GPHN: variants seen among roughly 807,000 people sequenced by gnomAD.
The protein encoded by GPHN is gephyrin.
A neutral mutation model predicts 95.5 loss-of-function variants in GPHN; 17 were observed. The ratio of observed to expected loss-of-function variants is 0.18; its 90% CI spans 0.12 to 0.27. GPHN has a LOEUF of 0.27. Among genes scored for constraint, GPHN ranks in the 10% least tolerant of loss-of-function variants. GPHN has a pLI of 1.00. For missense variants in GPHN, 660 were observed against 978.1 expected, an observed-to-expected ratio of 0.67 and a Z score of 4.34; for synonymous variants, 320 against 322.5, an observed-to-expected ratio of 0.99 and a Z score of 0.08.
At chr14:67,032,017 T>C (rs2074218722) in intron 10 of GPHN, among the ~76,000 whole-genome samples, 1 of 152,090 alleles carries the variant, frequency 6.6e-6, no homozygotes, top group African/African-American at 2.4e-5. Context: ...TCATGAAAAC[T>C]CCAGAAAAAA....
At chr14:66,802,781 C>T (rs2060406434) in intron 3 of GPHN, among the ~76,000 whole-genome samples, 2 of 152,180 alleles carry the variant, frequency 1.3e-5, no homozygotes, top group South Asian at 4.1e-4. Flanking sequence ...GACCTCATGA[C>T]TCTGACCAGT....
intron 1 of GPHN, among the ~76,000 whole-genome samples, chr14:66,550,475 C>T (rs1277455883): frequency 6.6e-6 from 1 of 152,120 alleles, no homozygotes; most frequent in African/African-American, 2.4e-5. Context: ...GGAATCTACT[C>T]CTGGTGATAA....
chr14:66,583,676 G>C (rs1446611399), intron 1 of GPHN, among the ~76,000 whole-genome samples: 2 of 152,092 alleles, frequency 1.3e-5, no homozygotes, highest in Non-Finnish European at 1.5e-5. Flanking sequence ...TGTCAGGTTT[G>C]TCAAAGATCA....
the GPHN span, chr14:67,385,445 A>T: frequency 6.6e-6 from 1 of 151,730 alleles, no homozygotes; most frequent in Non-Finnish European, 1.5e-5. Context: ...GTCTCAAAAA[A>T]AAAAAAAAAA....
chr14:67,539,954 T>C, the GPHN span, among the ~76,000 whole-genome samples: 1 of 152,068 alleles, frequency 6.6e-6, no homozygotes, highest in Non-Finnish European at 1.5e-5. Flanking sequence ...CGAATAAAAG[T>C]CACATGCGAG....
At chr14:67,733,924 A>G in the GPHN span, 1 of 1,099,068 alleles carries the variant, frequency 9.1e-7, no homozygotes, top group African/African-American at 1.5e-5. Flanking sequence ...GGCCAACCCT[A>G]AAGGATTGTC....
rs185259928 is a variant in GPHN, at chr14:66,614,407, A to G, written c.65-66700A>G. ...CCTAAATCCCACTTTAAAACCTACC[A>G]TATGTCATTAAATTAATGCTCATCA... On this transcript the variant is annotated intron_variant, in intron 1 of 22. Coordinates refer to ENST00000478722, the MANE Select transcript of GPHN (RefSeq NM_020806.5). Among the ~76,000 whole-genome samples, 128 of 152,262 alleles carry G rather than the reference A, an allele frequency of 8.4e-4. 3 individuals carry two copies. The East Asian group carries it at 0.021, about 25-fold the overall frequency.
At chr14:67,589,308 G>A in the GPHN span, 3 of 972,828 alleles carry the variant, frequency 3.1e-6, no homozygotes, top group South Asian at 1.4e-4. Flanking sequence ...TAGAAACAAA[G>A]GATTCAATAT....
Position 66,961,129 on chromosome 14 carries a change from C to T in GPHN, c.829-4062C>T, listed in dbSNP as rs545670425. ...ATTCTTTCAGAATAAGGTTTGTTTT[C>T]CTTCTGGTACTACAGACCTGTATTG... On this transcript the variant is annotated intron_variant, in intron 8 of 22. Transcript: ENST00000478722. 5.4e-4 allele frequency among the ~76,000 whole-genome samples: 82 copies of T among 152,114 alleles called. 3 individuals carry two copies. The South Asian group carries it at 0.016, about 30-fold the overall frequency.
At chr14:67,367,862 A>G in the GPHN span, among the ~76,000 whole-genome samples, 1 of 151,970 alleles carries the variant, frequency 6.6e-6, no homozygotes, top group Non-Finnish European at 1.5e-5. Context: ...GAGGTGAAGG[A>G]AGTTCTTTAA....
chr14:67,204,383 G>A, the GPHN span: 1 of 712,322 alleles, frequency 1.4e-6, no homozygotes, highest in Middle Eastern at 7.3e-4. Flanking sequence ...AGGCTGCAGT[G>A]AGCCATGATC....
chr14:67,206,165 C>A, the GPHN span, among the ~76,000 whole-genome samples: 33 of 151,992 alleles, frequency 2.2e-4, no homozygotes, highest in Admixed American at 1.6e-3. Flanking sequence ...GCCTGGGTAA[C>A]AGTCACACCC....
chr14:67,688,484 G>T, the GPHN span, among the ~76,000 whole-genome samples: 2 of 152,156 alleles, frequency 1.3e-5, no homozygotes, highest in Admixed American at 1.3e-4. Flanking sequence ...TATTGGAAAG[G>T]GGCACACAAG....
At chr14:67,017,919 T>A (rs192333995) in intron 9 of GPHN, among the ~76,000 whole-genome samples, 33 of 152,198 alleles carry the variant, frequency 2.2e-4, no homozygotes, top group Non-Finnish European at 1.5e-4. Context: ...AAAATAAATT[T>A]TAGTCTGCTG....
intron 4 of GPHN, among the ~76,000 whole-genome samples, chr14:66,874,780 G>A (rs530678968): frequency 2.0e-5 from 3 of 152,274 alleles, no homozygotes; most frequent in South Asian, 2.1e-4. Context: ...ACCTACTTCT[G>A]ATTGCTGTAC....
Position 67,058,797 on chromosome 14 carries a change from A to T in GPHN, c.1144+11A>T. ...TCATCAATTACCGAGGTACTATTAT[A>T]TTTGACCATTGCCCTTTCTTTTCTT... On this transcript the variant is annotated intron_variant, in intron 11 of 22. Coordinates refer to ENST00000478722, the MANE Select transcript of GPHN (RefSeq NM_020806.5). 6.2e-7 allele frequency: 1 copy of T among 1,611,004 alleles called. No homozygotes were observed. The highest frequency in any genetic ancestry group is 2.2e-5 in the East Asian group (1 of 44,876).
At chr14:67,526,453 C>T in the GPHN span, among the ~76,000 whole-genome samples, 3 of 152,234 alleles carry the variant, frequency 2.0e-5, no homozygotes, top group Admixed American at 2.0e-4. Context: ...AAAAGGTATG[C>T]ATTGCTTGGT....
chr14:67,163,008 A>T (rs1347531293), intron 19 of GPHN, among the ~76,000 whole-genome samples: 1 of 152,196 alleles, frequency 6.6e-6, no homozygotes, highest in African/African-American at 2.4e-5. Context: ...GATGTTACTT[A>T]AAAAATAGAT....
the GPHN span, among the ~76,000 whole-genome samples, chr14:67,656,259 A>C: frequency 6.6e-6 from 1 of 152,012 alleles, no homozygotes; most frequent in African/African-American, 2.4e-5. Flanking sequence ...AAAAAAAAAA[A>C]AATTAATAAA....
Sources: gnomAD v4.1 joint callset for allele counts (sites outside exome capture counted in the v4.1 genomes callset) on GRCh38, gnomAD v4.1.1 for gene constraint, MANE v1.5 for transcripts, NCBI Gene and HGNC (gene_info 2026-07-23, HGNC 2026-07-21) for gene names.